ANTXR1: variants seen among roughly 807,000 people sequenced by gnomAD.
ANTXR1 encodes anthrax toxin receptor 1.
A neutral mutation model predicts 78.1 loss-of-function variants in ANTXR1; 19 were observed. The observed-to-expected ratio is 0.24, with a 90% CI of 0.17 to 0.36. ANTXR1 has a LOEUF of 0.36. Ranked by LOEUF, ANTXR1 falls within the 10% of genes least tolerant of loss-of-function variation. The pLI is 1.00. For missense variants in ANTXR1, 518 were observed against 718.6 expected (o/e 0.72, Z 3.19); for synonymous variants, 273 against 260.5 (o/e 1.05, Z -0.46).
intron 14 of ANTXR1, among the ~76,000 whole-genome samples, chr2:69,170,841 T>C (rs1281115168): frequency 6.6e-6 from 1 of 152,190 alleles, no homozygotes; most frequent in Non-Finnish European, 1.5e-5. Flanking sequence ...ATTCTCGTCA[T>C]CTAAAGAAAA....
intron 17 of ANTXR1, among the ~76,000 whole-genome samples, chr2:69,234,057 C>A (rs146847687): frequency 3.9e-5 from 6 of 152,152 alleles, no homozygotes; most frequent in Non-Finnish European, 7.4e-5. Context: ...AGGCCATTTT[C>A]TCCAACTTAA....
intron 17 of ANTXR1, among the ~76,000 whole-genome samples, chr2:69,203,273 G>C (rs1224292869): frequency 6.6e-6 from 1 of 152,174 alleles, no homozygotes; most frequent in Non-Finnish European, 1.5e-5. Context: ...TAGAGGGTGT[G>C]ATTTATTCTG....
chr2:69,192,978 A>G (rs577579977), intron 16 of ANTXR1, among the ~76,000 whole-genome samples: 31 of 152,348 alleles, frequency 2.0e-4, no homozygotes, highest in Admixed American at 2.0e-3. Flanking sequence ...GTGGGAAGAA[A>G]AAACTTTAGT....
Position 69,248,430 on chromosome 2 carries a change from G to A in ANTXR1, c.*2945G>A, listed in dbSNP as rs1453471121. ...ATGTACAAATAGTTACTGAAATGAC[G>A]AGACCCTTGTTTGCACAGCATTAAT... On this transcript the variant is annotated 3_prime_UTR_variant, in exon 18 of 18. Coordinates refer to ENST00000303714, the MANE Select transcript of ANTXR1 (RefSeq NM_032208.3). 4.5e-5 allele frequency: 7 copies of A among 154,390 alleles called. No individual in the cohort carries two copies. The highest frequency in any genetic ancestry group is 1.0e-4 in the Non-Finnish European group (7 of 68,046). The allele number at this position is 154,390 out of a possible 1,614,324, so 9.6% of individuals were successfully genotyped here. A position where few individuals can be genotyped will look rare whatever the true frequency, so the allele number is the denominator to read the frequency against.
chr2:69,190,482 G>A (rs957589546), intron 16 of ANTXR1, among the ~76,000 whole-genome samples: 3 of 152,172 alleles, frequency 2.0e-5, no homozygotes, highest in African/African-American at 7.2e-5. Flanking sequence ...TCATTTTAAT[G>A]ACTTTACTAT....
At chr2:69,187,336 C>T (rs953193652) in intron 16 of ANTXR1, among the ~76,000 whole-genome samples, 3 of 151,928 alleles carry the variant, frequency 2.0e-5, no homozygotes, top group Admixed American at 6.6e-5. Context: ...TACAATACCC[C>T]GTGCTTCTCA....
At chr2:69,088,669 G>A (rs956190595) in intron 8 of ANTXR1, among the ~76,000 whole-genome samples, 12 of 152,142 alleles carry the variant, frequency 7.9e-5, no homozygotes, top group African/African-American at 2.7e-4. Flanking sequence ...TTCAGGCAGG[G>A]CTGTCTGGGA....
chr2:69,122,715 G>C (rs558067632), intron 10 of ANTXR1, among the ~76,000 whole-genome samples: 1 of 151,974 alleles, frequency 6.6e-6, no homozygotes, highest in Non-Finnish European at 1.5e-5. Flanking sequence ...ATTTACATTA[G>C]GTATATCTCC....
chr2:69,121,902 G>A (rs951074143), intron 10 of ANTXR1, among the ~76,000 whole-genome samples: 9 of 152,264 alleles, frequency 5.9e-5, no homozygotes, highest in Admixed American at 2.0e-4. Flanking sequence ...TAGTGAGCTT[G>A]AATTGAAGCC....
chr2:69,103,430 A>C (rs1671698051), intron 10 of ANTXR1: 1 of 194,102 alleles, frequency 5.2e-6, no homozygotes. Flanking sequence ...CGAAAACCAA[A>C]CCATTAGGCT....
At chr2:69,217,645 G>C (rs546938580) in intron 17 of ANTXR1, among the ~76,000 whole-genome samples, 2 of 152,304 alleles carry the variant, frequency 1.3e-5, no homozygotes, top group East Asian at 3.9e-4. Context: ...ACAGTGGCTG[G>C]TGCATATCAG....
At chr2:69,056,257 A>G (rs1246059105) in intron 3 of ANTXR1, among the ~76,000 whole-genome samples, 3 of 152,172 alleles carry the variant, frequency 2.0e-5, no homozygotes, top group African/African-American at 7.2e-5. Context: ...CAATCCCAGT[A>G]CTGGTCAACA....
intron 3 of ANTXR1, among the ~76,000 whole-genome samples, chr2:69,045,196 G>A (rs536798372): frequency 6.6e-6 from 1 of 152,264 alleles, no homozygotes; most frequent in East Asian, 1.9e-4. Context: ...TGCACTGTGA[G>A]ACAGGTAAGA....
intron 9 of ANTXR1, among the ~76,000 whole-genome samples, chr2:69,095,718 C>T (rs748619931): frequency 6.6e-6 from 1 of 152,178 alleles, no homozygotes; most frequent in African/African-American, 2.4e-5. Flanking sequence ...GAGCTCTCCC[C>T]CCATAGAATC....
intron 3 of ANTXR1, among the ~76,000 whole-genome samples, chr2:69,061,888 C>T (rs1412931522): frequency 6.6e-6 from 1 of 152,176 alleles, no homozygotes; most frequent in Non-Finnish European, 1.5e-5. Flanking sequence ...ATGTCTGCTT[C>T]TGTTTATGAT....
chr2:69,017,229 G>C (rs1242670782), intron 1 of ANTXR1, among the ~76,000 whole-genome samples: 2 of 152,172 alleles, frequency 1.3e-5, no homozygotes. Context: ...GGTCGCTAAA[G>C]ACATGATCTT....
intron 17 of ANTXR1, among the ~76,000 whole-genome samples, chr2:69,226,409 T>C (rs1675453876): frequency 6.6e-6 from 1 of 152,044 alleles, no homozygotes; most frequent in Non-Finnish European, 1.5e-5. Context: ...GGGAAGGATG[T>C]GGAGCAGGTC....
chr2:69,074,018 T>C (rs947840346), intron 6 of ANTXR1, among the ~76,000 whole-genome samples: 2 of 152,224 alleles, frequency 1.3e-5, no homozygotes, highest in African/African-American at 2.4e-5. Context: ...CATTTATTCA[T>C]TCAGTGTTAA....
chr2:69,111,060 G>A (rs906806425), intron 10 of ANTXR1, among the ~76,000 whole-genome samples: 3 of 152,056 alleles, frequency 2.0e-5, no homozygotes, highest in African/African-American at 7.2e-5. Context: ...TGTCCCTGAC[G>A]TAATCAGAAA....
Sources: gnomAD v4.1 joint callset for allele counts (sites outside exome capture counted in the v4.1 genomes callset) on GRCh38, gnomAD v4.1.1 for gene constraint, MANE v1.5 for transcripts, NCBI Gene and HGNC (gene_info 2026-07-23, HGNC 2026-07-21) for gene names.